RCOR1: variants seen among roughly 807,000 people sequenced by gnomAD.
The protein encoded by RCOR1 is REST corepressor 1.
A neutral mutation model predicts 64.0 loss-of-function variants in RCOR1; 12 were observed. The observed-to-expected ratio is 0.19, with a 90% CI of 0.12 to 0.30. The LOEUF (loss-of-function observed/expected upper bound fraction) is 0.30, where lower values mean the gene tolerates loss of function less well. RCOR1 is among the 10% of genes least tolerant of loss of function. RCOR1 has a pLI of 1.00. For missense variants in RCOR1, 502 were observed against 621.2 expected (o/e 0.81, Z 2.04); for synonymous variants, 279 against 227.2 (o/e 1.23, Z -2.05).
intron 2 of RCOR1, among the ~76,000 whole-genome samples, chr14:102,612,713 G>C (rs1567407534): frequency 6.6e-6 from 1 of 151,846 alleles, no homozygotes; most frequent in Non-Finnish European, 1.5e-5. Flanking sequence ...TGGTTACCCT[G>C]TGCAGTGGCT....
chr14:102,719,219 A>G (rs1407158912), intron 8 of RCOR1, among the ~76,000 whole-genome samples: 1 of 152,066 alleles, frequency 6.6e-6, no homozygotes, highest in Non-Finnish European at 1.5e-5. Flanking sequence ...AGTAGTTGGG[A>G]CTACACAGCC....
At chr14:102,623,494 C>T (rs1340120726) in intron 2 of RCOR1, among the ~76,000 whole-genome samples, 5 of 151,538 alleles carry the variant, frequency 3.3e-5, no homozygotes, top group East Asian at 3.9e-4. Context: ...CTGCAAGCTC[C>T]GCCTCCTGGG....
intron 3 of RCOR1, among the ~76,000 whole-genome samples, chr14:102,692,056 T>C (rs8007177): frequency 7.9e-5 from 12 of 152,244 alleles, no homozygotes; most frequent in Admixed American, 2.6e-4. Flanking sequence ...GTTGGACTTA[T>C]ACGTGTTAGA....
chr14:102,603,813 G>C (rs1411197545), intron 2 of RCOR1, among the ~76,000 whole-genome samples: 2 of 151,480 alleles, frequency 1.3e-5, no homozygotes, highest in Non-Finnish European at 2.9e-5. Context: ...GTAGAGACAG[G>C]GTTTCACCAT....
chr14:102,721,779 A>C (rs186192939), intron 10 of RCOR1, among the ~76,000 whole-genome samples: 1 of 152,262 alleles, frequency 6.6e-6, no homozygotes, highest in East Asian at 1.9e-4. Flanking sequence ...AGTCTTCTAA[A>C]GGTGTATTTC....
At chr14:102,677,427 G>T (rs1236867439) in intron 2 of RCOR1, among the ~76,000 whole-genome samples, 49 of 137,498 alleles carry the variant, frequency 3.6e-4, no homozygotes, top group Middle Eastern at 4.2e-3. Context: ...GGACGGAGGG[G>T]CTCCTCACTT....
At chr14:102,605,540 A>C (rs1893488527) in intron 2 of RCOR1, among the ~76,000 whole-genome samples, 1 of 152,172 alleles carries the variant, frequency 6.6e-6, no homozygotes, top group African/African-American at 2.4e-5. Context: ...AGCATTACTT[A>C]GGTGTTTGTG....
At chr14:102,599,160 C>T (rs1893332564) in intron 2 of RCOR1, among the ~76,000 whole-genome samples, 1 of 150,916 alleles carries the variant, frequency 6.6e-6, no homozygotes, top group African/African-American at 2.4e-5. Flanking sequence ...GAGATAGGGT[C>T]ACACTCTGTC....
At chr14:102,643,250 C>G in intron 2 of RCOR1, 1 of 648,334 alleles carries the variant, frequency 1.5e-6, no homozygotes, top group Non-Finnish European at 1.9e-6. Context: ...TGCCACTGCA[C>G]TCCAGCCTGG....
In RCOR1 at chr14:102,708,885, C is replaced by T. The variant is rs553018644; in HGVS notation, c.779+302C>T. Among the ~76,000 whole-genome samples, 9 of 152,148 alleles carry T rather than the reference C, an allele frequency of 5.9e-5. No homozygotes were observed. The South Asian group carries it at 1.7e-3, about 28-fold the overall frequency. On this transcript the variant is annotated intron_variant, in intron 6 of 11. Coordinates refer to ENST00000262241, the MANE Select transcript of RCOR1 (RefSeq NM_015156.4). ...TTTTATTTTGTAGTTTGAGGTTTAA[C>T]GTGGTATATTTTTACAAGATTCATT...
intron 2 of RCOR1, among the ~76,000 whole-genome samples, chr14:102,620,540 A>C (rs1313445997): frequency 1.3e-5 from 2 of 152,132 alleles, no homozygotes; most frequent in Non-Finnish European, 2.9e-5. Context: ...GTACTTCAGC[A>C]TCAACAAGAG....
At chr14:102,660,550 T>G (rs1254193314) in intron 2 of RCOR1, among the ~76,000 whole-genome samples, 1 of 152,038 alleles carries the variant, frequency 6.6e-6, no homozygotes, top group Non-Finnish European at 1.5e-5. Context: ...CACCATGCCC[T>G]GTAGAGACGG....
chr14:102,670,008 T>C (rs1467316676), intron 2 of RCOR1, among the ~76,000 whole-genome samples: 3 of 152,176 alleles, frequency 2.0e-5, no homozygotes, highest in African/African-American at 7.2e-5. Flanking sequence ...TGGAGTGCAG[T>C]GGTGTGACCT....
intron 2 of RCOR1, chr14:102,657,000 C>A (rs760331950): frequency 1.4e-6 from 1 of 697,000 alleles, no homozygotes; most frequent in Non-Finnish European, 1.8e-6. Flanking sequence ...GTCGCGAACT[C>A]CTGACCTCAT....
intron 2 of RCOR1, among the ~76,000 whole-genome samples, chr14:102,616,332 C>T (rs561027359): frequency 2.0e-5 from 3 of 151,860 alleles, no homozygotes; most frequent in East Asian, 1.9e-4. Context: ...TGCAGTGGTG[C>T]GATCACAGCT....
At chr14:102,673,882 TGGGATTACAGG>T (rs1895084868) in intron 2 of RCOR1, among the ~76,000 whole-genome samples, 1 of 152,234 alleles carries the variant, frequency 6.6e-6, no homozygotes, top group Non-Finnish European at 1.5e-5. Flanking sequence ...CGCCAAGTGC[TGGGATTACAGG>T]GGTGAGCCAC....
chr14:102,706,139 A>C (rs868782750), intron 4 of RCOR1, among the ~76,000 whole-genome samples: 2 of 150,080 alleles, frequency 1.3e-5, no homozygotes, highest in African/African-American at 4.9e-5. Flanking sequence ...AAAAAAAAAA[A>C]AAACCTAAAA....
chr14:102,613,695 C>G (rs180862686), intron 2 of RCOR1, among the ~76,000 whole-genome samples: 83 of 150,774 alleles, frequency 5.5e-4, no homozygotes, highest in African/African-American at 2.0e-3. Flanking sequence ...GCTGGGATTA[C>G]AGGCATGAGC....
chr14:102,638,904 C>T (rs2139918621), intron 2 of RCOR1, among the ~76,000 whole-genome samples: 1 of 152,276 alleles, frequency 6.6e-6, no homozygotes, highest in South Asian at 2.1e-4. Flanking sequence ...GTCAGGTGCT[C>T]CGCCTGCCTC....
Sources: gnomAD v4.1 joint callset for allele counts (sites outside exome capture counted in the v4.1 genomes callset) on GRCh38, gnomAD v4.1.1 for gene constraint, MANE v1.5 for transcripts, NCBI Gene and HGNC (gene_info 2026-07-23, HGNC 2026-07-21) for gene names.